Variants in CLVS1 observed in about 807,000 individuals in gnomAD.
CLVS1 encodes clavesin-1.
CLVS1 carries 10 observed loss-of-function variants against 33.1 expected under a neutral mutation model. That is an observed-to-expected ratio of 0.30 (90% CI 0.19 to 0.51). The LOEUF is 0.51. Ranked by LOEUF, CLVS1 falls within the 20% of genes least tolerant of loss-of-function variation. The pLI is 0.97. For synonymous variants in CLVS1, 163 were observed against 166.1 expected, an observed-to-expected ratio of 0.98 and a Z score of 0.14; for missense variants, 343 against 433.4, an observed-to-expected ratio of 0.79 and a Z score of 1.85.
intron 2 of CLVS1, among the ~76,000 whole-genome samples, chr8:61,272,403 C>T (rs918537191): frequency 1.3e-5 from 2 of 152,088 alleles, no homozygotes; most frequent in African/African-American, 4.8e-5. Flanking sequence ...GTAACCCGAC[C>T]TTTCTCTCTG....
chr8:61,338,640 C>T (rs555614254), intron 2 of CLVS1, among the ~76,000 whole-genome samples: 1 of 152,316 alleles, frequency 6.6e-6, no homozygotes, highest in South Asian at 2.1e-4. Context: ...AAAAATCATG[C>T]TCCTCCATAT....
intron 1 of CLVS1, among the ~76,000 whole-genome samples, chr8:61,063,042 T>C (rs1156921758): frequency 6.6e-6 from 1 of 152,162 alleles, no homozygotes; most frequent in African/African-American, 2.4e-5. Context: ...ATTATTCCCA[T>C]TGTTTGAAAG....
At chr8:61,365,689 T>C (rs1813175479) in intron 2 of CLVS1, among the ~76,000 whole-genome samples, 1 of 152,120 alleles carries the variant, frequency 6.6e-6, no homozygotes, top group Admixed American at 6.5e-5. Context: ...GAAATCTTCA[T>C]GGAATAATTA....
At chr8:61,273,432 T>C (rs1409109766) in intron 2 of CLVS1, among the ~76,000 whole-genome samples, 1 of 152,202 alleles carries the variant, frequency 6.6e-6, no homozygotes, top group Non-Finnish European at 1.5e-5. Context: ...CAGAGGTTAC[T>C]GCTGTCTTTT....
At chr8:61,170,650 C>A (rs925610926) in intron 2 of CLVS1, among the ~76,000 whole-genome samples, 1 of 152,156 alleles carries the variant, frequency 6.6e-6, no homozygotes, top group Non-Finnish European at 1.5e-5. Context: ...CCTCTCTGAG[C>A]CTTGACATCC....
At position 61,396,887 on chromosome 8, in the gene CLVS1, C is replaced by A. The variant is rs566347294; in HGVS notation, c.630+20108C>A. On this transcript the variant is annotated intron_variant, in intron 3 of 5. Transcript: ENST00000325897. ...GCCACAACATCATTCCTTTTCATTG[C>A]CAAATATTTCATTGCATATCTATAC... Among the ~76,000 whole-genome samples, 6 of 152,244 alleles carry A rather than the reference C, an allele frequency of 3.9e-5. No homozygotes were observed. In the East Asian group the frequency reaches 1.2e-3, roughly 29 times the overall value.
At chr8:61,166,031 G>GTTTTTTTTTTTTTTTTTTTTT (rs71245557) in intron 2 of CLVS1, among the ~76,000 whole-genome samples, 3 of 108,374 alleles carry the variant, frequency 2.8e-5, no homozygotes, top group Non-Finnish European at 5.8e-5. Context: ...GCATCTAAGC[G>GTTTTTTTTTTTTTTTTTTTTT]TTTTTTTTTT....
intron 3 of CLVS1, among the ~76,000 whole-genome samples, chr8:61,390,229 C>T (rs1814250807): frequency 6.6e-6 from 1 of 152,186 alleles, no homozygotes; most frequent in Non-Finnish European, 1.5e-5. Context: ...GGCATCTGCT[C>T]TTTTCACTTT....
At chr8:61,172,222 G>A (rs961105205) in intron 2 of CLVS1, among the ~76,000 whole-genome samples, 11 of 152,098 alleles carry the variant, frequency 7.2e-5, no homozygotes, top group African/African-American at 1.7e-4. Flanking sequence ...ATTTGAGGAG[G>A]GCACTTAGAG....
chr8:61,283,693 T>C (rs750411016), upstream of CLVS1, among the ~76,000 whole-genome samples: 1 of 152,188 alleles, frequency 6.6e-6, no homozygotes, highest in Non-Finnish European at 1.5e-5. Context: ...CAACAAAGCA[T>C]TGAACCACTA....
intron 5 of CLVS1, among the ~76,000 whole-genome samples, chr8:61,491,311 C>T (rs1006317477): frequency 3.2e-4 from 49 of 152,170 alleles, no homozygotes; most frequent in African/African-American, 1.2e-3. Flanking sequence ...GCTGTGTGAA[C>T]TGCTTCATAC....
intron 2 of CLVS1, among the ~76,000 whole-genome samples, chr8:61,147,588 CT>C (rs1180334931): frequency 1.3e-5 from 2 of 152,148 alleles, no homozygotes; most frequent in African/African-American, 2.4e-5. Context: ...GCTTTACCCT[CT>C]GAAAATGTCT....
the CLVS1 span, among the ~76,000 whole-genome samples, chr8:61,048,981 T>C: frequency 3.9e-5 from 6 of 152,186 alleles, no homozygotes; most frequent in Admixed American, 3.3e-4. Context: ...TTAAATACCC[T>C]GGTGAATGGA....
intron 1 of CLVS1, among the ~76,000 whole-genome samples, chr8:61,064,130 C>T (rs1804633461): frequency 6.6e-6 from 1 of 152,182 alleles, no homozygotes; most frequent in African/African-American, 2.4e-5. Context: ...CACCTCTTGG[C>T]AGACATTTGG....
intron 5 of CLVS1, among the ~76,000 whole-genome samples, chr8:61,481,106 G>C (rs915405801): frequency 3.9e-5 from 6 of 152,174 alleles, no homozygotes; most frequent in Admixed American, 3.9e-4. Flanking sequence ...CATAGGTGTT[G>C]TTGACCTGTG....
the CLVS1 span, among the ~76,000 whole-genome samples, chr8:61,008,724 G>A: frequency 6.6e-6 from 1 of 152,134 alleles, no homozygotes; most frequent in Non-Finnish European, 1.5e-5. Context: ...CCTTGTAACT[G>A]ATATTGCTGA....
chr8:61,312,797 C>A (rs1302494826), intron 2 of CLVS1, among the ~76,000 whole-genome samples: 2 of 152,084 alleles, frequency 1.3e-5, no homozygotes, highest in Non-Finnish European at 2.9e-5. Context: ...GTGCTTTGAT[C>A]TCTCTCTCCT....
At chr8:60,976,155 C>T in the CLVS1 span, among the ~76,000 whole-genome samples, 1 of 152,156 alleles carries the variant, frequency 6.6e-6, no homozygotes, top group South Asian at 2.1e-4. Flanking sequence ...ATATTTCATA[C>T]TTTTCCTGCC....
chr8:61,048,826 C>G, the CLVS1 span, among the ~76,000 whole-genome samples: 1 of 152,036 alleles, frequency 6.6e-6, no homozygotes, highest in East Asian at 1.9e-4. Context: ...ATCCTTCCCT[C>G]TTCCCCTCCC....
Sources: gnomAD v4.1 joint callset for allele counts (sites outside exome capture counted in the v4.1 genomes callset) on GRCh38, gnomAD v4.1.1 for gene constraint, MANE v1.5 for transcripts, NCBI Gene and HGNC (gene_info 2026-07-23, HGNC 2026-07-21) for gene names.